Variants in MOCOS observed in about 807,000 individuals in gnomAD.
MOCOS encodes the protein molybdenum cofactor sulfurase, also known as human molybdenum cofactor sulfurase.
In MOCOS, 86 loss-of-function variants were observed where a neutral mutation model predicts 83.6. The observed-to-expected ratio is 1.03, with a 90% CI of 0.86 to 1.23. The LOEUF (loss-of-function observed/expected upper bound fraction) is 1.23, where lower values mean the gene tolerates loss of function less well. Among genes scored for constraint, MOCOS ranks in the 50% most tolerant of loss-of-function variants. The probability of loss-of-function intolerance (pLI) is 0.00; values close to 1 mark genes in which losing one functional copy is unlikely to be tolerated. For synonymous variants in MOCOS, 445 were observed against 434.7 expected, an observed-to-expected ratio of 1.02 and a Z score of -0.29; for missense variants, 1,120 against 1,126.9, an observed-to-expected ratio of 0.99 and a Z score of 0.09.
chr18:36,241,875 ACCTTGGC>A (rs2091584707), intron 9 of MOCOS, among the ~76,000 whole-genome samples: 1 of 152,226 alleles, frequency 6.6e-6, no homozygotes, highest in Non-Finnish European at 1.5e-5. Flanking sequence ...CCCAAGTTGT[ACCTTGGC>A]CCTTTTAGCC....
intron 9 of MOCOS, among the ~76,000 whole-genome samples, chr18:36,238,681 G>T (rs1254783511): frequency 8.2e-6 from 1 of 121,496 alleles, no homozygotes; most frequent in Non-Finnish European, 1.8e-5. Context: ...TCAATTCCTG[G>T]GTATCCTTGT....
chr18:36,215,087 G>C (rs998809473), intron 7 of MOCOS, among the ~76,000 whole-genome samples: 7 of 152,182 alleles, frequency 4.6e-5, no homozygotes, highest in Non-Finnish European at 1.0e-4. Context: ...CAGGGATGCA[G>C]GCCTCCCCTC....
intron 1 of MOCOS, among the ~76,000 whole-genome samples, chr18:36,189,273 G>C (rs759354973): frequency 2.0e-5 from 3 of 152,064 alleles, no homozygotes; most frequent in Non-Finnish European, 4.4e-5. Context: ...CTCAGAACTC[G>C]TTACCACTTA....
At chr18:36,222,381 C>G (rs1285394405) in intron 9 of MOCOS, among the ~76,000 whole-genome samples, 2 of 152,152 alleles carry the variant, frequency 1.3e-5, no homozygotes, top group Non-Finnish European at 2.9e-5. Flanking sequence ...TTTCCACATT[C>G]TCGACAACAC....
At chr18:36,267,236 A>G (rs2091684951) in intron 14 of MOCOS, among the ~76,000 whole-genome samples, 1 of 152,216 alleles carries the variant, frequency 6.6e-6, no homozygotes, top group African/African-American at 2.4e-5. Context: ...ATTAAACTGG[A>G]AATACATTCA....
intron 4 of MOCOS, 140 bp downstream of exon 4, chr18:36,200,464 C>A: frequency 9.1e-7 from 1 of 1,099,398 alleles, no homozygotes; most frequent in Non-Finnish European, 1.3e-6. Flanking sequence ...AGGCTGATGG[C>A]AGGGCTCAGA....
At position 36,200,114 on chromosome 18, in the gene MOCOS, G is replaced by T; in HGVS notation, c.731G>T (p.Ser244Ile). The T allele has an allele frequency of 6.2e-7, 1 of 1,614,236 alleles. No homozygotes were observed. Among genetic ancestry groups the T allele is most frequent in the Non-Finnish European group, 8.5e-7 (1 of 1,180,040 alleles). ...CTGCTGGATGCAGCCTCCTACGTGA[G>T]CACCTCGCCTTTGGACCTGTCAGCT... ...FVLLDAASYV[S>I]TSPLDLSAHQ... Residue 244 changes from serine (S) to isoleucine (I), a missense_variant, in exon 4 of 15, where the codon AGC (serine) becomes ATC (isoleucine). By Grantham distance (142) the Ser-to-Ile change is moderately radical. Coordinates refer to ENST00000261326, the MANE Select transcript of MOCOS (RefSeq NM_017947.4).
chr18:36,242,002 C>G (rs1022436895), intron 9 of MOCOS, among the ~76,000 whole-genome samples: 12 of 152,216 alleles, frequency 7.9e-5, no homozygotes, highest in Admixed American at 3.3e-4. Flanking sequence ...CCTAGGCCTC[C>G]GGGCCGTGAT....
Position 36,187,516 on chromosome 18 carries a change from G to A in MOCOS, c.-24G>A, listed in dbSNP as rs11665282. The A allele has an allele frequency of 0.68, 842,543 of 1,230,294 alleles. 291,256 individuals are homozygous for A. The highest frequency in any genetic ancestry group is 0.87 in the East Asian group (27,437 of 31,458). The allele number at this position is 1,230,294 out of a possible 1,614,324, so 76.2% of individuals were successfully genotyped here. A position where few individuals can be genotyped will look rare whatever the true frequency, so the allele number is the denominator to read the frequency against. On this transcript the variant is annotated 5_prime_UTR_variant, in exon 1 of 15. Coordinates refer to ENST00000261326, the MANE Select transcript of MOCOS (RefSeq NM_017947.4). ...CTTCGCGCACTTCCCGGGCCCGGCCGGCCTGGATGGACTAGCCGGGGCCAT... is the reference window on the plus strand; with the variant it reads ...CTTCGCGCACTTCCCGGGCCCGGCCAGCCTGGATGGACTAGCCGGGGCCAT...
chr18:36,215,439 T>G, intron 7 of MOCOS, 77 bp from the exon 8 acceptor site: 1 of 1,391,174 alleles, frequency 7.2e-7, no homozygotes, highest in Non-Finnish European at 1.0e-6. Context: ...ATTAACAAAA[T>G]TTATTTTGCC....
chr18:36,204,005 A>G (rs184724149), intron 5 of MOCOS, among the ~76,000 whole-genome samples: 3 of 152,366 alleles, frequency 2.0e-5, no homozygotes, highest in East Asian at 3.9e-4. Context: ...GTACCAGTCC[A>G]CAATATGGCA....
intron 3 of MOCOS, among the ~76,000 whole-genome samples, chr18:36,199,158 C>T (rs2091401645): frequency 6.6e-6 from 1 of 151,966 alleles, no homozygotes; most frequent in Admixed American, 6.6e-5. Context: ...TTCCCTTTTC[C>T]CCCCTTTTTT....
chr18:36,213,440 G>A lies in MOCOS; in HGVS notation c.1293G>A (p.Arg431=). The change falls in exon 7 of 15, where the codon AGG becomes AGA. Residue 431 remains arginine, a synonymous_variant. Transcript: ENST00000261326. ...TCTGTAACACTGGGGCCTGCCAGAGGCACCTGGGCATAAGCAACGAGATGG... is the reference window on the plus strand; with the variant it reads ...TCTGTAACACTGGGGCCTGCCAGAGACACCTGGGCATAAGCAACGAGATGG... ...GCFCNTGACQ[R]HLGISNEMVR... is the part of the protein sequence containing the mutation. 1.2e-6 allele frequency: 2 copies of A among 1,614,072 alleles called. No homozygotes were observed. Among genetic ancestry groups the A allele is most frequent in the Non-Finnish European group, 1.7e-6 (2 of 1,180,028 alleles).
At chr18:36,255,412 C>A (rs1287772388) in intron 11 of MOCOS, among the ~76,000 whole-genome samples, 4 of 152,168 alleles carry the variant, frequency 2.6e-5, no homozygotes, top group Non-Finnish European at 5.9e-5. Context: ...ATCCATCTGA[C>A]CTACAGGAGG....
Position 36,197,340 on chromosome 18 carries a change from C to T in MOCOS, c.233-1350C>T, listed in dbSNP as rs55993430. 8.0e-3 allele frequency among the ~76,000 whole-genome samples: 1,216 copies of T among 152,278 alleles called. 22 individuals carry two copies. Among genetic ancestry groups the T allele is most frequent in the African/African-American group, 0.026 (1,100 of 41,552 alleles). ...TCTCTGGAGTTAAACAGAGCCACAG[C>T]CACCTGTCTGGAACATGTAGAACAG... On this transcript the variant is annotated intron_variant, in intron 2 of 14. Transcript: ENST00000261326.
chr18:36,219,886 T>A (rs895901019), intron 8 of MOCOS, among the ~76,000 whole-genome samples, 169 bp from the exon 9 acceptor site: 1 of 152,218 alleles, frequency 6.6e-6, no homozygotes, highest in East Asian at 1.9e-4. Flanking sequence ...CTACATCATC[T>A]TCTTTGCACT....
chr18:36,237,200 T>A (rs1205958486), intron 9 of MOCOS, among the ~76,000 whole-genome samples: 14 of 146,322 alleles, frequency 9.6e-5, no homozygotes, highest in Non-Finnish European at 1.8e-4. Context: ...AGGGCATCCC[T>A]GTCTTGTGCC....
intron 12 of MOCOS, 93 bp downstream of exon 12, chr18:36,257,166 A>G (rs957237611): frequency 2.6e-5 from 29 of 1,111,174 alleles, no homozygotes; most frequent in Middle Eastern, 2.0e-4. Flanking sequence ...GAGATCTGAG[A>G]GTCATGAAGT....
intron 11 of MOCOS, among the ~76,000 whole-genome samples, chr18:36,252,074 T>G (rs1225516490): frequency 6.6e-6 from 1 of 152,222 alleles, no homozygotes; most frequent in Non-Finnish European, 1.5e-5. Context: ...GATTGTTGCC[T>G]GTTTTTTTCA....
Sources: gnomAD v4.1 joint callset for allele counts (sites outside exome capture counted in the v4.1 genomes callset) on GRCh38, gnomAD v4.1.1 for gene constraint, MANE v1.5 for transcripts, NCBI Gene and HGNC (gene_info 2026-07-23, HGNC 2026-07-21) for gene names.